Variants in ROBO1 observed in about 807,000 individuals in gnomAD.
ROBO1 encodes the protein roundabout guidance receptor 1.
ROBO1 carries 149 observed loss-of-function variants against 195.9 expected under a neutral mutation model. The ratio of observed to expected loss-of-function variants is 0.76; its 90% CI spans 0.67 to 0.87. The LOEUF (loss-of-function observed/expected upper bound fraction) is 0.87, where lower values mean the gene tolerates loss of function less well. Among genes scored for constraint, ROBO1 ranks in the 40% least tolerant of loss-of-function variants. The pLI is 0.00. For missense variants in ROBO1, 1,933 were observed against 2,068.3 expected (o/e 0.93, Z 1.27); for synonymous variants, 816 against 733.2 (o/e 1.11, Z -1.82).
At chr3:79,213,070 C>A (rs2081994420) in intron 2 of ROBO1, among the ~76,000 whole-genome samples, 1 of 151,588 alleles carries the variant, frequency 6.6e-6, no homozygotes, top group Non-Finnish European at 1.5e-5. Context: ...ATAGTGAAAC[C>A]CCATCTCTAC....
intron 2 of ROBO1, among the ~76,000 whole-genome samples, chr3:79,329,729 T>A (rs1382082922): frequency 6.6e-6 from 1 of 152,192 alleles, no homozygotes; most frequent in East Asian, 1.9e-4. Flanking sequence ...ATTCAGGAAC[T>A]ATTGTTAAGT....
intron 2 of ROBO1, among the ~76,000 whole-genome samples, chr3:79,515,604 A>C (rs140035220): frequency 0.011 from 1,683 of 152,310 alleles, 31 homozygotes; most frequent in African/African-American, 0.038. Flanking sequence ...GATTCTCTCT[A>C]TATATAGATT....
intron 30 of ROBO1, among the ~76,000 whole-genome samples, chr3:78,599,380 C>CA (rs1703036625): frequency 6.6e-6 from 1 of 152,150 alleles, no homozygotes; most frequent in Non-Finnish European, 1.5e-5. Context: ...TTCTAAACCT[C>CA]AAAATCGAAA....
At chr3:79,366,525 C>T (rs748620372) in intron 2 of ROBO1, among the ~76,000 whole-genome samples, 2 of 152,138 alleles carry the variant, frequency 1.3e-5, no homozygotes, top group Admixed American at 1.3e-4. Context: ...AGTCCCTTAT[C>T]TTAGTGCTCT....
rs1327840108 is a variant in ROBO1, at chr3:78,627,702, G to C, written c.3627-133C>G. 7.9e-6 allele frequency: 8 copies of C among 1,018,050 alleles called. No homozygotes were observed. In the Admixed American group the frequency reaches 2.1e-4, roughly 27 times the overall value. 63.1% of individuals were successfully genotyped at this position (1,018,050 alleles called of 1,614,324 possible). ...TCAGTCACATTAAGGAGATATTATT[G>C]AAAAAGGTTTTACCTCACAAGGTTT... On this transcript the variant is annotated intron_variant, in intron 25 of 30. Coordinates refer to ENST00000464233, the MANE Select transcript of ROBO1 (RefSeq NM_002941.4).
chr3:78,702,412 A>C (rs1315834550), intron 8 of ROBO1, among the ~76,000 whole-genome samples: 1 of 152,210 alleles, frequency 6.6e-6, no homozygotes, highest in African/African-American at 2.4e-5. Context: ...TTTAAATAAT[A>C]AAATATCTTG....
At chr3:79,300,853 T>C (rs1394039442) in intron 2 of ROBO1, among the ~76,000 whole-genome samples, 1 of 152,114 alleles carries the variant, frequency 6.6e-6, no homozygotes, top group Non-Finnish European at 1.5e-5. Context: ...GGTGGGGCCT[T>C]GGAGAACCTT....
At chr3:78,638,441 C>T (rs1044742719) in intron 22 of ROBO1, among the ~76,000 whole-genome samples, 1 of 151,230 alleles carries the variant, frequency 6.6e-6, no homozygotes, top group South Asian at 2.1e-4. Context: ...TTTGTTATTA[C>T]TGTTGTAGAT....
At chr3:79,160,623 T>C (rs1438972339) in intron 2 of ROBO1, among the ~76,000 whole-genome samples, 1 of 152,078 alleles carries the variant, frequency 6.6e-6, no homozygotes, top group Non-Finnish European at 1.5e-5. Flanking sequence ...CCCTAGCATC[T>C]TGCTAGTTTT....
intron 3 of ROBO1, among the ~76,000 whole-genome samples, chr3:78,983,340 A>T (rs2077039224): frequency 6.6e-6 from 1 of 152,222 alleles, no homozygotes; most frequent in African/African-American, 2.4e-5. Flanking sequence ...CTACAGGCTA[A>T]TTTCCTAAAG....
At chr3:78,709,338 A>ATATACCAATATTGGTATACCATG (rs540385651) in intron 8 of ROBO1, among the ~76,000 whole-genome samples, 3 of 152,168 alleles carry the variant, frequency 2.0e-5, no homozygotes, top group Non-Finnish European at 2.9e-5. Context: ...AGTTTCAATA[A>ATATACCAATATTGGTATACCATG]TATACCAATA....
At position 78,884,551 on chromosome 3, in the gene ROBO1, AAGAAAGAG is replaced by A. The variant is rs1174416643; in HGVS notation, c.499+54042_499+54049del. ...AGGATTGCCCCTCAAAAAAGAAAGA[AAGAAAGAG>A]AGAAAGAGAGAAAGAAAGAGAGAAA... On this transcript the variant is annotated intron_variant, in intron 4 of 30. Transcript: ENST00000464233. Among the ~76,000 whole-genome samples the A allele has an allele frequency of 3.4e-4, 51 of 151,810 alleles. 1 individual carries two copies. The highest frequency in any genetic ancestry group is 2.0e-3 in the Admixed American group (31 of 15,210).
At chr3:78,769,618 G>GTTTTTTTTTTTTTTTTTTTCTTT in intron 4 of ROBO1, among the ~76,000 whole-genome samples, 1 of 84,006 alleles carries the variant, frequency 1.2e-5, no homozygotes, top group Non-Finnish European at 2.2e-5. Context: ...GTGTACTTTG[G>GTTTTTTTTTTTTTTTTTTTCTTT]TTTTTTTTTT....
At chr3:79,493,746 A>G (rs1278930514) in intron 2 of ROBO1, among the ~76,000 whole-genome samples, 1 of 152,062 alleles carries the variant, frequency 6.6e-6, no homozygotes, top group Non-Finnish European at 1.5e-5. Context: ...TATTTATGGA[A>G]TACTGGAGAT....
chr3:79,378,581 G>T (rs1284782839), intron 2 of ROBO1, among the ~76,000 whole-genome samples: 1 of 152,140 alleles, frequency 6.6e-6, no homozygotes, highest in African/African-American at 2.4e-5. Context: ...TGGATAAATA[G>T]TTTATTTAGC....
intron 4 of ROBO1, chr3:78,937,893 T>C (rs982137940): frequency 6.6e-6 from 1 of 152,070 alleles, no homozygotes; most frequent in African/African-American, 2.4e-5. Context: ...AACTGCCAGT[T>C]GAAGGTATTT....
At chr3:79,613,344 T>C (rs960533894) in intron 1 of ROBO1, among the ~76,000 whole-genome samples, 7 of 151,948 alleles carry the variant, frequency 4.6e-5, no homozygotes, top group African/African-American at 9.7e-5. Flanking sequence ...AAACGTGCTA[T>C]AAATTAAAGA....
At chr3:79,700,175 T>TA (rs1947572272) in intron 1 of ROBO1, among the ~76,000 whole-genome samples, 1 of 151,888 alleles carries the variant, frequency 6.6e-6, no homozygotes, top group African/African-American at 2.4e-5. Context: ...TTTGGTTTTT[T>TA]ATGGCTGCAT....
chr3:79,712,687 A>G (rs1433291388), intron 1 of ROBO1, among the ~76,000 whole-genome samples: 1 of 151,960 alleles, frequency 6.6e-6, no homozygotes, highest in Non-Finnish European at 1.5e-5. Flanking sequence ...CTTCAACTGG[A>G]AAAAAAATGT....
Sources: gnomAD v4.1 joint callset for allele counts (sites outside exome capture counted in the v4.1 genomes callset) on GRCh38, gnomAD v4.1.1 for gene constraint, MANE v1.5 for transcripts, NCBI Gene and HGNC (gene_info 2026-07-23, HGNC 2026-07-21) for gene names.